The following PPP2R5E variants were observed in gnomAD, a reference collection of about 807,000 sequenced individuals.
The protein encoded by PPP2R5E is serine/threonine-protein phosphatase 2A 56 kDa regulatory subunit epsilon isoform.
PPP2R5E carries 4 observed loss-of-function variants against 65.3 expected under a neutral mutation model. The observed-to-expected ratio is 0.06, with a 90% CI of 0.03 to 0.14. The LOEUF (loss-of-function observed/expected upper bound fraction) is 0.14. Among genes scored for constraint, PPP2R5E ranks in the 10% least tolerant of loss-of-function variants. PPP2R5E has a pLI of 1.00. For missense variants in PPP2R5E, 274 were observed against 556.1 expected, an observed-to-expected ratio of 0.49 and a Z score of 5.10; for synonymous variants, 183 against 187.4, an observed-to-expected ratio of 0.98 and a Z score of 0.19.
chr14:63,497,002 C>T (rs1187930096), intron 2 of PPP2R5E, among the ~76,000 whole-genome samples: 1 of 151,958 alleles, frequency 6.6e-6, no homozygotes, highest in Non-Finnish European at 1.5e-5. Flanking sequence ...GCCTTTAAAC[C>T]ACCCCAGTAC....
At chr14:63,521,796 T>C (rs980553268) in intron 2 of PPP2R5E, among the ~76,000 whole-genome samples, 1 of 152,186 alleles carries the variant, frequency 6.6e-6, no homozygotes, top group African/African-American at 2.4e-5. Flanking sequence ...CCTGTTTCAA[T>C]CTGCTTTCCA....
At chr14:63,429,657 TTTTG>T (rs1402435821) in intron 3 of PPP2R5E, among the ~76,000 whole-genome samples, 5 of 152,022 alleles carry the variant, frequency 3.3e-5, no homozygotes, top group East Asian at 1.9e-4. Context: ...CATCATGGTT[TTTTG>T]TTTGTTTGTT....
At chr14:63,472,910 G>A (rs1267329973) in intron 2 of PPP2R5E, among the ~76,000 whole-genome samples, 1 of 152,190 alleles carries the variant, frequency 6.6e-6, no homozygotes, top group Non-Finnish European at 1.5e-5. Flanking sequence ...AATGAGAAGT[G>A]TTTTAGCGGG....
intron 5 of PPP2R5E, among the ~76,000 whole-genome samples, chr14:63,414,655 T>C (rs1447903976): frequency 6.6e-6 from 1 of 152,212 alleles, no homozygotes; most frequent in African/African-American, 2.4e-5. Flanking sequence ...TAGGGAAATT[T>C]TAGAATGTTA....
At chr14:63,449,104 C>T (rs1378882566) in intron 3 of PPP2R5E, among the ~76,000 whole-genome samples, 1 of 152,178 alleles carries the variant, frequency 6.6e-6, no homozygotes, top group Non-Finnish European at 1.5e-5. Context: ...TCCTGGTTTG[C>T]AAAACCCATC....
chr14:63,430,700 A>G (rs1887627122), intron 3 of PPP2R5E, among the ~76,000 whole-genome samples: 1 of 152,210 alleles, frequency 6.6e-6, no homozygotes, highest in African/African-American at 2.4e-5. Context: ...GAGCAGACAA[A>G]TATCTTTTAA....
chr14:63,495,393 A>G (rs1257405739), intron 2 of PPP2R5E, among the ~76,000 whole-genome samples: 1 of 146,576 alleles, frequency 6.8e-6, no homozygotes, highest in African/African-American at 2.6e-5. Context: ...CCAACATGGC[A>G]AAACCCCATC....
intron 2 of PPP2R5E, among the ~76,000 whole-genome samples, chr14:63,471,158 T>C (rs747025903): frequency 6.6e-6 from 1 of 152,164 alleles, no homozygotes; most frequent in Non-Finnish European, 1.5e-5. Flanking sequence ...AGAGTACACA[T>C]AAAAATGCGT....
intron 2 of PPP2R5E, among the ~76,000 whole-genome samples, chr14:63,532,699 T>C (rs138028069): frequency 1.8e-4 from 28 of 152,334 alleles, no homozygotes; most frequent in Non-Finnish European, 4.0e-4. Flanking sequence ...AAACCAAAGC[T>C]TTCAGCAGTT....
intron 2 of PPP2R5E, among the ~76,000 whole-genome samples, chr14:63,482,316 G>C (rs183558969): frequency 2.0e-5 from 3 of 152,058 alleles, no homozygotes; most frequent in Non-Finnish European, 4.4e-5. Context: ...AAAATTAGCC[G>C]GGCATGGTGG....
intron 2 of PPP2R5E, among the ~76,000 whole-genome samples, chr14:63,488,164 T>C (rs2139621677): frequency 6.6e-6 from 1 of 152,248 alleles, no homozygotes; most frequent in Admixed American, 6.5e-5. Context: ...CACTGCTTGC[T>C]ACTTAGCAGG....
chr14:63,399,378 T>C (rs1375836358), intron 5 of PPP2R5E, among the ~76,000 whole-genome samples: 1 of 118,840 alleles, frequency 8.4e-6, no homozygotes, highest in South Asian at 3.1e-4. Context: ...TTTTTTTTTT[T>C]TTTTTTTTTT....
intron 7 of PPP2R5E, 141 bp downstream of exon 7, chr14:63,395,085 A>G: frequency 3.1e-6 from 2 of 651,332 alleles, no homozygotes; most frequent in East Asian, 2.9e-5. Flanking sequence ...AGTCAGCTGG[A>G]AAATATGCTA....
chr14:63,409,731 C>A (rs1886295185), intron 5 of PPP2R5E, among the ~76,000 whole-genome samples: 1 of 152,204 alleles, frequency 6.6e-6, no homozygotes, highest in South Asian at 2.1e-4. Flanking sequence ...GTCTTTGTAT[C>A]CACACTGCCA....
rs1255719 is a variant in PPP2R5E, at chr14:63,542,609, T to C, written c.-8+170A>G. On this transcript the variant is annotated intron_variant, in intron 1 of 13. Coordinates refer to ENST00000337537, the MANE Select transcript of PPP2R5E (RefSeq NM_006246.5). ...TGAGAGGTATCATCAGAAGCATTTG[T>C]AGGTAAATCAGACAAGTGGGACGGG... 7.2e-3 allele frequency among the ~76,000 whole-genome samples: 1,089 copies of C among 152,086 alleles called. 17 individuals carry two copies. The highest frequency in any genetic ancestry group is 0.025 in the African/African-American group (1,030 of 41,480).
chr14:63,433,537 G>C (rs192976728), intron 3 of PPP2R5E, among the ~76,000 whole-genome samples: 40 of 152,264 alleles, frequency 2.6e-4, no homozygotes, highest in Admixed American at 3.9e-4. Context: ...CTCCTGGCTA[G>C]AGTGCATAAG....
intron 2 of PPP2R5E, among the ~76,000 whole-genome samples, chr14:63,521,583 A>C (rs1892908803): frequency 6.6e-6 from 1 of 152,158 alleles, no homozygotes; most frequent in South Asian, 2.1e-4. Flanking sequence ...GAATCGCTTG[A>C]ACCCAGGAGG....
At chr14:63,393,652 C>A (rs1346140202) in intron 8 of PPP2R5E, among the ~76,000 whole-genome samples, 168 bp downstream of exon 8, 1 of 151,892 alleles carries the variant, frequency 6.6e-6, no homozygotes, top group Non-Finnish European at 1.5e-5. Flanking sequence ...GTGGAGGCTG[C>A]AGTGAGCCAA....
chr14:63,414,967 G>A (rs1886617311), intron 5 of PPP2R5E, among the ~76,000 whole-genome samples, 173 bp downstream of exon 5: 1 of 151,876 alleles, frequency 6.6e-6, no homozygotes, highest in Non-Finnish European at 1.5e-5. Flanking sequence ...AAACTTAAAT[G>A]TACCTATTAC....
Sources: allele counts gnomAD v4.1 joint callset (sites outside exome capture counted in the v4.1 genomes callset), GRCh38; gene constraint gnomAD v4.1.1; transcripts MANE v1.5; gene names NCBI Gene and HGNC (gene_info 2026-07-23, HGNC 2026-07-21).